Variants in UTRN observed in about 807,000 individuals in gnomAD.
UTRN encodes the protein utrophin.
A neutral mutation model predicts 463.9 loss-of-function variants in UTRN; 283 were observed. That is an observed-to-expected ratio of 0.61 (90% CI 0.55 to 0.67). UTRN has a LOEUF of 0.67. Among genes scored for constraint, UTRN ranks in the 30% least tolerant of loss-of-function variants. The probability of loss-of-function intolerance (pLI) is 0.00; values close to 1 mark genes in which losing one functional copy is unlikely to be tolerated. For synonymous variants in UTRN, 1,442 were observed against 1,431.5 expected (o/e 1.01, Z -0.17); for missense variants, 3,922 against 4,084.3 (o/e 0.96, Z 1.08).
intron 54 of UTRN, among the ~76,000 whole-genome samples, chr6:144,733,527 A>T (rs1789014124): frequency 7.0e-6 from 1 of 143,648 alleles, no homozygotes; most frequent in African/African-American, 2.7e-5. Flanking sequence ...AAAAAAAAAA[A>T]CTTTGTAATT....
At chr6:144,361,463 C>A (rs1007697225) in intron 2 of UTRN, among the ~76,000 whole-genome samples, 1 of 152,144 alleles carries the variant, frequency 6.6e-6, no homozygotes, top group Non-Finnish European at 1.5e-5. Flanking sequence ...TAAAACCATC[C>A]AGGAGTCTTC....
chr6:144,716,237 CTT>C (rs35485068), intron 53 of UTRN, among the ~76,000 whole-genome samples: 26 of 141,360 alleles, frequency 1.8e-4, no homozygotes, highest in African/African-American at 2.3e-4. Context: ...TAAAATATAG[CTT>C]TTTTTTTTTT....
chr6:144,842,120 A>C (rs1353003241), intron 73 of UTRN, among the ~76,000 whole-genome samples: 1 of 117,334 alleles, frequency 8.5e-6, no homozygotes, highest in African/African-American at 4.5e-5. Context: ...CAAAAAAAAA[A>C]AAAAAAAAAA....
rs1798636692 is a variant in UTRN at position 144,548,693 on chromosome 6, G to A, written c.6649G>A (p.Val2217Ile). 7 of 1,614,002 alleles carry A rather than the reference G, an allele frequency of 4.3e-6. No homozygotes were observed. The highest frequency in any genetic ancestry group is 5.9e-6 in the Non-Finnish European group (7 of 1,179,972). ...VLVSSASDIPVQSHRTSEISI... is the reference protein window; with the variant it reads ...VLVSSASDIPIQSHRTSEISI... ...AGTATCATCTGCGTCAGATATTCCT[G>A]TTCAGTCTCATCGTACTTCGGAAAT... is the stretch of plus-strand genomic sequence containing the variant. Residue 2217 changes from valine to isoleucine, a missense_variant, in exon 47 of 75, where the codon GTT becomes ATT. Around this residue, in one of 3 missense-constraint regions of UTRN, gnomAD observed 2,349 missense variants for 2,303.8 expected, o/e 1.02. Transcript: ENST00000367545.
At chr6:144,646,024 G>C (rs571432618) in intron 51 of UTRN, among the ~76,000 whole-genome samples, 11 of 151,904 alleles carry the variant, frequency 7.2e-5, no homozygotes, top group African/African-American at 2.7e-4. Flanking sequence ...CTTTCATATG[G>C]GTCACTAAAC....
intron 58 of UTRN, among the ~76,000 whole-genome samples, chr6:144,769,408 G>A (rs1242430098): frequency 6.6e-6 from 1 of 152,124 alleles, no homozygotes; most frequent in Admixed American, 6.5e-5. Flanking sequence ...TCTGCCTAAT[G>A]AATCAACTGG....
At chr6:144,660,902 C>G (rs2128671999) in intron 51 of UTRN, among the ~76,000 whole-genome samples, 1 of 152,330 alleles carries the variant, frequency 6.6e-6, no homozygotes, top group East Asian at 1.9e-4. Flanking sequence ...TAGGAAGGCT[C>G]CTGGCACAAT....
chr6:144,766,190 C>G (rs1793319791), intron 58 of UTRN, among the ~76,000 whole-genome samples: 1 of 152,030 alleles, frequency 6.6e-6, no homozygotes, highest in Non-Finnish European at 1.5e-5. Context: ...GATGGGGGTA[C>G]TCCACATTCT....
chr6:144,698,477 G>T (rs756247216), intron 52 of UTRN, among the ~76,000 whole-genome samples: 4 of 152,166 alleles, frequency 2.6e-5, no homozygotes, highest in African/African-American at 4.8e-5. Flanking sequence ...CTGATGAAAG[G>T]CAGACGTGTG....
intron 36 of UTRN, among the ~76,000 whole-genome samples, 157 bp from the exon 37 acceptor site, chr6:144,514,493 T>A (rs1043027902): frequency 1.3e-5 from 2 of 152,208 alleles, no homozygotes; most frequent in Admixed American, 1.3e-4. Context: ...CTCCAATGAG[T>A]CCTATGTGAA....
chr6:144,699,051 G>C (rs1784296975), intron 52 of UTRN, among the ~76,000 whole-genome samples: 1 of 152,146 alleles, frequency 6.6e-6, no homozygotes, highest in Non-Finnish European at 1.5e-5. Flanking sequence ...CCAACTTTTT[G>C]AAGTAAACAT....
chr6:144,383,942 T>C (rs1390475380), intron 2 of UTRN, among the ~76,000 whole-genome samples: 1 of 152,220 alleles, frequency 6.6e-6, no homozygotes, highest in Non-Finnish European at 1.5e-5. Flanking sequence ...TCCATTTGTC[T>C]TATAGGGGAA....
chr6:144,599,407 C>T (rs1803999756), intron 51 of UTRN, among the ~76,000 whole-genome samples: 1 of 152,142 alleles, frequency 6.6e-6, no homozygotes, highest in African/African-American at 2.4e-5. Flanking sequence ...GGTTATTATT[C>T]TGGACATACC....
At chr6:144,551,358 T>G (rs1798903092) in intron 48 of UTRN, among the ~76,000 whole-genome samples, 1 of 152,190 alleles carries the variant, frequency 6.6e-6, no homozygotes, top group Non-Finnish European at 1.5e-5. Context: ...TTTTCTTCTC[T>G]TAACTTAGGC....
chr6:144,566,603 C>G (rs779401847), intron 50 of UTRN, among the ~76,000 whole-genome samples: 46 of 152,122 alleles, frequency 3.0e-4, no homozygotes, highest in Middle Eastern at 3.4e-3. Flanking sequence ...GCAAACAGAC[C>G]TTAAGTTGGA....
In UTRN at chr6:144,674,896, C is replaced by G. The variant is rs185437454; in HGVS notation, c.7480-3510C>G. On this transcript the variant is annotated intron_variant, in intron 51 of 74. Coordinates refer to ENST00000367545, the MANE Select transcript of UTRN (RefSeq NM_007124.3). ...TCTTTAAGGTAGTTTTTACCTTTCT[C>G]TGGTGCCTCCTTGAGTAGCTTAATA... 3.1e-4 allele frequency among the ~76,000 whole-genome samples: 47 copies of G among 152,330 alleles called. No homozygotes were observed. In the East Asian group the frequency reaches 8.3e-3, roughly 27 times the overall value.
intron 51 of UTRN, among the ~76,000 whole-genome samples, chr6:144,626,562 A>G (rs184604101): frequency 7.9e-5 from 12 of 152,346 alleles, no homozygotes; most frequent in African/African-American, 2.4e-4. Flanking sequence ...GGGTTTGCAC[A>G]TGTCCACAGC....
chr6:144,440,028 C>G (rs1786991208), intron 12 of UTRN, among the ~76,000 whole-genome samples: 2 of 152,158 alleles, frequency 1.3e-5, no homozygotes, highest in African/African-American at 4.8e-5. Flanking sequence ...TTTACCACTT[C>G]TACATTTTTG....
intron 2 of UTRN, among the ~76,000 whole-genome samples, chr6:144,295,803 G>A (rs2473133): frequency 0.33 from 50,635 of 152,034 alleles, 13,666 homozygotes; most frequent in African/African-American, 0.75. Flanking sequence ...CCTCACAACC[G>A]CCATTTTGCA....
Sources: gnomAD v4.1 joint callset for allele counts (sites outside exome capture counted in the v4.1 genomes callset) on GRCh38, gnomAD v4.1.1 for gene constraint, gnomAD v4.1.1 regional missense constraint, MANE v1.5 for transcripts, NCBI Gene and HGNC (gene_info 2026-07-23, HGNC 2026-07-21) for gene names.